Variants in UROC1 observed in about 807,000 individuals in gnomAD.
UROC1 encodes urocanate hydratase.
A neutral mutation model predicts 89.5 loss-of-function variants in UROC1; 79 were observed. That is an observed-to-expected ratio of 0.88 (90% CI 0.74 to 1.06). The LOEUF (loss-of-function observed/expected upper bound fraction) is 1.06. Ranked by LOEUF, UROC1 falls within the 50% of genes least tolerant of loss-of-function variation. The probability of loss-of-function intolerance (pLI) is 0.00; values close to 1 mark genes in which losing one functional copy is unlikely to be tolerated. For missense variants in UROC1, 885 were observed against 907.8 expected (o/e 0.97, Z 0.32); for synonymous variants, 361 against 354.8 (o/e 1.02, Z -0.20).
At position 126,483,431 on chromosome 3, in the gene UROC1, C is replaced by A. The variant is rs138713416; in HGVS notation, c.1828G>T (p.Asp610Tyr). ...VINGGFGLVLDGTPEAEGRAR... is the reference protein window; with the variant it reads ...VINGGFGLVLYGTPEAEGRAR... ...CTCCCCTCGGCCTCCGGGGTACCGT[C>A]CAGCACGAGGCCGAATCCCCCGTTG... The change falls in exon 19 of 20, where the codon GAC (aspartate) becomes TAC (tyrosine). Residue 610 changes from aspartate to tyrosine, a missense_variant. Transcript: ENST00000290868. 3 of 1,613,860 alleles carry A rather than the reference C, an allele frequency of 1.9e-6. No individual in the cohort carries two copies. The East Asian group carries it at 6.7e-5, about 36-fold the overall frequency.
chr3:126,488,249 G>C lies in UROC1; in HGVS notation c.1739C>G (p.Ala580Gly). The C allele has an allele frequency of 1.2e-6, 2 of 1,614,228 alleles. No individual in the cohort carries two copies. The highest frequency in any genetic ancestry group is 1.7e-6 in the Non-Finnish European group (2 of 1,180,044). Residue 580 changes from alanine to glycine, a missense_variant, in exon 18 of 20, where the codon GCC (alanine) becomes GGC (glycine). Physicochemically the swap from Ala to Gly is moderately conservative, Grantham distance 60. Transcript: ENST00000290868. ...DMAVQNFVGD[A>G]CRGATWVALH... Reference sequence around the variant, plus strand: ...GGCGACCCAGGTGGCTCCGCGACAGGCATCTCCCACGAAGTTCTGCACAGC... The same window carrying C: ...GGCGACCCAGGTGGCTCCGCGACAGCCATCTCCCACGAAGTTCTGCACAGC...
intron 1 of UROC1, among the ~76,000 whole-genome samples, chr3:126,513,862 T>C (rs540884839): frequency 6.6e-6 from 1 of 152,154 alleles, no homozygotes; most frequent in Non-Finnish European, 1.5e-5. Flanking sequence ...ACCCATTTCA[T>C]AAGGCCATGC....
intron 10 of UROC1, 133 bp from the exon 11 acceptor site, chr3:126,501,007 T>C: frequency 1.4e-6 from 2 of 1,383,638 alleles, no homozygotes; most frequent in Non-Finnish European, 2.0e-6. Flanking sequence ...CAGACCCTGC[T>C]TTCCCCCTGG....
intron 1 of UROC1, 58 bp downstream of exon 1, chr3:126,517,536 G>T: frequency 6.2e-7 from 1 of 1,611,624 alleles, no homozygotes; most frequent in South Asian, 1.1e-5. Context: ...TGCTCACTAT[G>T]GACCACCTGG....
chr3:126,507,913 GC>G lies in UROC1; in HGVS notation c.540+53del, dbSNP rs1936105951. On this transcript the variant is annotated intron_variant, in intron 5 of 19. Transcript: ENST00000290868. ...GCACTGGGCTTTCTTTCCAGCGTCT[GC>G]ACCCTCTCTTTGGAGCCCTGGGCAG... The G allele has an allele frequency of 1.9e-6, 3 of 1,613,142 alleles. No individual in the cohort carries two copies. In the East Asian group the frequency reaches 6.7e-5, roughly 36 times the overall value.
intron 8 of UROC1, among the ~76,000 whole-genome samples, chr3:126,504,458 G>A (rs1204442137): frequency 6.6e-6 from 1 of 152,174 alleles, no homozygotes; most frequent in African/African-American, 2.4e-5. Flanking sequence ...AAAAAATAGA[G>A]TCATAGCAGA....
rs112408540 is a variant in UROC1, at chr3:126,508,237, C to T, written c.412-142G>A. 10 of 1,500,334 alleles carry T rather than the reference C, an allele frequency of 6.7e-6. 1 individual carries two copies. In the African/African-American group the frequency reaches 1.2e-4, roughly 19 times the overall value. 92.9% of individuals were successfully genotyped at this position (1,500,334 alleles called of 1,614,324 possible). Reference sequence around the variant, plus strand: ...CCAGTGGCCCTGGTGCCTCCCTCAACACCACCTCGCCCATTCCTATAACCT... The same window carrying T: ...CCAGTGGCCCTGGTGCCTCCCTCAATACCACCTCGCCCATTCCTATAACCT... On this transcript the variant is annotated intron_variant, in intron 4 of 19. Coordinates refer to ENST00000290868, the MANE Select transcript of UROC1 (RefSeq NM_144639.3).
chr3:126,497,982 C>G (rs1386419387), intron 14 of UROC1, 69 bp downstream of exon 14: 2 of 1,611,650 alleles, frequency 1.2e-6, no homozygotes, highest in Non-Finnish European at 1.7e-6. Context: ...GCTATAGAAG[C>G]TTGTCTCTAT....
At chr3:126,492,634 C>T (rs1274757270) in intron 15 of UROC1, 118 bp from the exon 16 acceptor site, 13 of 660,768 alleles carry the variant, frequency 2.0e-5, no homozygotes, top group African/African-American at 1.8e-4. Flanking sequence ...GCAGCCTGAG[C>T]GCCTAACAAG....
At chr3:126,513,135 G>GGTGTGTGTGTGTGTGTGT (rs56301013) in intron 1 of UROC1, among the ~76,000 whole-genome samples, 2 of 147,798 alleles carry the variant, frequency 1.4e-5, no homozygotes, top group African/African-American at 2.5e-5. Context: ...CACAGAGCAG[G>GGTGTGTGTGTGTGTGTGT]GTGTGTGTGT....
At chr3:126,495,573 C>T (rs977105577) in intron 15 of UROC1, among the ~76,000 whole-genome samples, 11 of 152,168 alleles carry the variant, frequency 7.2e-5, no homozygotes, top group South Asian at 2.1e-4. Context: ...GGGTGGCTTC[C>T]GCAGCTTAGC....
At chr3:126,506,146 A>C in intron 6 of UROC1, 135 bp from the exon 7 acceptor site, 1 of 960,520 alleles carries the variant, frequency 1.0e-6, no homozygotes, top group Non-Finnish European at 1.6e-6. Context: ...CTTCACATAA[A>C]ATAGAGAGAG....
chr3:126,505,629 G>A (rs1233070379), intron 8 of UROC1, 72 bp downstream of exon 8: 1 of 1,582,428 alleles, frequency 6.3e-7, no homozygotes, highest in Non-Finnish European at 8.6e-7. Flanking sequence ...AAGTGATCCG[G>A]GAGGAAGAAG....
intron 15 of UROC1, among the ~76,000 whole-genome samples, chr3:126,492,953 G>A (rs1157503575): frequency 6.6e-6 from 1 of 152,220 alleles, no homozygotes; most frequent in Non-Finnish European, 1.5e-5. Context: ...CCTCTTGTCT[G>A]TGAGTCTTAT....
At chr3:126,502,044 C>T (rs1935935518) in intron 9 of UROC1, 1 of 1,339,746 alleles carries the variant, frequency 7.5e-7, no homozygotes, top group Admixed American at 2.9e-5. Context: ...CGAGACAGTT[C>T]CTTAAACTGA....
intron 1 of UROC1, among the ~76,000 whole-genome samples, chr3:126,515,493 A>AC (rs1936283537): frequency 1.1e-5 from 1 of 89,240 alleles, no homozygotes; most frequent in South Asian, 4.2e-4. Flanking sequence ...CCTACCACCT[A>AC]CCCCTTCCAC....
intron 15 of UROC1, among the ~76,000 whole-genome samples, chr3:126,493,361 C>T (rs190705374): frequency 1.7e-3 from 266 of 152,328 alleles, no homozygotes; most frequent in African/African-American, 5.5e-3. Context: ...GAGGTGGAGG[C>T]GACCTGGGTA....
chr3:126,493,154 A>C (rs1267611033), intron 15 of UROC1, among the ~76,000 whole-genome samples: 1 of 152,214 alleles, frequency 6.6e-6, no homozygotes, highest in Admixed American at 6.5e-5. Context: ...GCTTCAGCGC[A>C]TGAAATGAGT....
chr3:126,494,778 T>G (rs1048583335), intron 15 of UROC1, among the ~76,000 whole-genome samples: 4 of 152,174 alleles, frequency 2.6e-5, no homozygotes, highest in African/African-American at 9.7e-5. Flanking sequence ...TAGACCTGGA[T>G]GCACATGCTG....
Sources: gnomAD v4.1 joint callset for allele counts (sites outside exome capture counted in the v4.1 genomes callset) on GRCh38, gnomAD v4.1.1 for gene constraint, MANE v1.5 for transcripts, NCBI Gene and HGNC (gene_info 2026-07-23, HGNC 2026-07-21) for gene names.